NUF2: variants seen among roughly 807,000 people sequenced by gnomAD.
The protein encoded by NUF2 is NUF2 component of NDC80 kinetochore complex.
A neutral mutation model predicts 61.8 loss-of-function variants in NUF2; 34 were observed. The observed-to-expected ratio is 0.55, with a 90% CI of 0.42 to 0.73. NUF2 has a LOEUF of 0.73. NUF2 is among the 30% of genes least tolerant of loss of function. The pLI is 0.00. For missense variants in NUF2, 445 were observed against 539.1 expected (o/e 0.83, Z 1.73); for synonymous variants, 172 against 181.6 (o/e 0.95, Z 0.42).
At chr1:163,341,273 G>A (rs942907262) in intron 9 of NUF2, among the ~76,000 whole-genome samples, 1 of 151,844 alleles carries the variant, frequency 6.6e-6, no homozygotes, top group Admixed American at 6.6e-5. Context: ...GCAGTGGCGC[G>A]ATCTTGGCTC....
At chr1:163,351,607 C>T (rs1651321352) in intron 13 of NUF2, among the ~76,000 whole-genome samples, 1 of 152,110 alleles carries the variant, frequency 6.6e-6, no homozygotes, top group South Asian at 2.1e-4. Flanking sequence ...ATCCTAGAGG[C>T]GTAGAACTAT....
intron 5 of NUF2, 143 bp downstream of exon 5, chr1:163,329,050 T>C (rs1650519825): frequency 2.1e-6 from 1 of 468,312 alleles, no homozygotes; most frequent in Non-Finnish European, 3.8e-6. Context: ...TTTTTAAGTA[T>C]GAATTTTTAA....
chr1:163,348,022 G>T, intron 12 of NUF2, 84 bp downstream of exon 12: 1 of 991,540 alleles, frequency 1.0e-6, no homozygotes. Flanking sequence ...TCAAAACCTC[G>T]GTATTTTCCA....
Position 163,343,861 on chromosome 1 carries a change from A to G in NUF2, c.798A>G (p.Lys266=), listed in dbSNP as rs1651027789. Residue 266 remains lysine (K), a synonymous_variant, in exon 10 of 14, where the codon AAA becomes AAG. Transcript: ENST00000271452. ...TGAAAGATACGGTCCAGAAGCTTAAAAATGCCAGAGTGAGTTTTCTTTTTA... is the reference window on the plus strand; with the variant it reads ...TGAAAGATACGGTCCAGAAGCTTAAGAATGCCAGAGTGAGTTTTCTTTTTA... ...EKMKDTVQKL[K]NARQEVVEKY... The G allele has an allele frequency of 7.1e-7, 1 of 1,405,294 alleles. No homozygotes were observed. The highest frequency in any genetic ancestry group is 1.5e-5 in the African/African-American group (1 of 66,994). 87.1% of individuals were successfully genotyped at this position (1,405,294 alleles called of 1,614,324 possible).
At chr1:163,332,992 AT>A (rs1368478460) in intron 5 of NUF2, among the ~76,000 whole-genome samples, 3 of 152,148 alleles carry the variant, frequency 2.0e-5, no homozygotes, top group Non-Finnish European at 4.4e-5. Flanking sequence ...CAGTTGGTTA[AT>A]AGCGTTGTTC....
intron 4 of NUF2, 155 bp downstream of exon 4, chr1:163,328,459 C>A: frequency 1.9e-6 from 1 of 534,848 alleles, no homozygotes; most frequent in Non-Finnish European, 3.3e-6. Context: ...AAATTGTAGA[C>A]TGTCATCAAA....
chr1:163,339,032 T>C (rs966070628), intron 7 of NUF2, among the ~76,000 whole-genome samples: 2 of 152,056 alleles, frequency 1.3e-5, no homozygotes, highest in Non-Finnish European at 2.9e-5. Context: ...ATGGATGGTA[T>C]GGGAGTAAGA....
At chr1:163,343,410 C>G (rs1030478290) in intron 9 of NUF2, among the ~76,000 whole-genome samples, 1 of 152,028 alleles carries the variant, frequency 6.6e-6, no homozygotes, top group African/African-American at 2.4e-5. Context: ...CCCTACTGGT[C>G]AAAGAAAGAT....
intron 13 of NUF2, among the ~76,000 whole-genome samples, chr1:163,350,503 T>C (rs142368287): frequency 3.3e-3 from 496 of 152,280 alleles, no homozygotes; most frequent in African/African-American, 0.011. Context: ...CTTATATTAC[T>C]TTGAGTTTTA....
intron 6 of NUF2, among the ~76,000 whole-genome samples, chr1:163,337,148 C>T (rs374769561): frequency 1.2e-4 from 18 of 152,150 alleles, no homozygotes; most frequent in African/African-American, 4.3e-4. Context: ...GATATGTTTA[C>T]ATTTTTTTCT....
In NUF2 at chr1:163,327,535, T is replaced by C; in HGVS notation, c.171T>C (p.Tyr57=). The change falls in exon 3 of 14, where the codon TAT becomes TAC. Residue 57 remains tyrosine (Y), a synonymous_variant. Coordinates refer to ENST00000271452, the MANE Select transcript of NUF2 (RefSeq NM_145697.3). The part of the protein sequence containing the change: ...MIYMRALQIV[Y]GIRLEHFYMM... ...ACATGAGAGCCTTACAAATAGTATA[T>C]GGAATTCGACTGGAACATTTTTACA... 1 of 1,611,888 alleles carries C rather than the reference T, an allele frequency of 6.2e-7. No homozygotes were observed. The highest frequency in any genetic ancestry group is 8.5e-7 in the Non-Finnish European group (1 of 1,178,204).
At chr1:163,352,519 C>G (rs1414088502) in intron 13 of NUF2, among the ~76,000 whole-genome samples, 1 of 152,202 alleles carries the variant, frequency 6.6e-6, no homozygotes, top group African/African-American at 2.4e-5. Flanking sequence ...ACACTTGATT[C>G]AGAGAGTAAG....
In NUF2 at chr1:163,355,573, GTTGGCTTCATCAGTTT is replaced by G; in HGVS notation, c.*107_*122del. 2 of 973,516 alleles carry G rather than the reference GTTGGCTTCATCAGTTT, an allele frequency of 2.1e-6. No homozygotes were observed. The highest frequency in any genetic ancestry group is 3.0e-6 in the Non-Finnish European group (2 of 675,168). The allele number at this position is 973,516 out of a possible 1,614,324, so 60.3% of individuals were successfully genotyped here. A position where few individuals can be genotyped will look rare whatever the true frequency, so the allele number is the denominator to read the frequency against. On this transcript the variant is annotated 3_prime_UTR_variant, in exon 14 of 14. Transcript: ENST00000271452. ...GGAAGTATCAGAAGTACCAAATAAT[GTTGGCTTCATCAGTTT>G]TTATACACTCTCATAAGTAGTTAAT... is the stretch of plus-strand genomic sequence containing the variant.
chr1:163,344,581 A>G (rs1651057572), intron 10 of NUF2, among the ~76,000 whole-genome samples: 1 of 137,728 alleles, frequency 7.3e-6, no homozygotes, highest in South Asian at 2.6e-4. Context: ...GTGGGGAGTA[A>G]GGTGTGTTCA....
intron 1 of NUF2, chr1:163,323,050 G>A (rs921941658): frequency 2.6e-5 from 4 of 152,176 alleles, no homozygotes; most frequent in Non-Finnish European, 5.9e-5. Context: ...TTATTAAAGG[G>A]TTTAGAAGCC....
intron 2 of NUF2, among the ~76,000 whole-genome samples, chr1:163,326,404 TAA>T (rs35847334): frequency 3.4e-5 from 5 of 147,440 alleles, no homozygotes; most frequent in Non-Finnish European, 6.0e-5. Flanking sequence ...GTCGTTTTCT[TAA>T]AAAAAAAAAA....
chr1:163,329,943 C>G (rs1228854236), intron 5 of NUF2, among the ~76,000 whole-genome samples: 4 of 152,040 alleles, frequency 2.6e-5, no homozygotes, highest in African/African-American at 4.8e-5. Flanking sequence ...TGAAAGAAGC[C>G]AGTCTGCAAA....
intron 1 of NUF2, among the ~76,000 whole-genome samples, chr1:163,324,790 T>C (rs1331898175): frequency 6.6e-6 from 1 of 152,124 alleles, no homozygotes; most frequent in Non-Finnish European, 1.5e-5. Flanking sequence ...CTTACCGGAA[T>C]CTCACAATGT....
At chr1:163,325,998 A>T (rs1650404035) in intron 1 of NUF2, 34 bp from the exon 2 acceptor site, 2 of 1,545,922 alleles carry the variant, frequency 1.3e-6, no homozygotes, top group African/African-American at 2.7e-5. Context: ...ACTACTGATC[A>T]TGTGGTATTT....
Sources: allele counts gnomAD v4.1 joint callset (sites outside exome capture counted in the v4.1 genomes callset), GRCh38; gene constraint gnomAD v4.1.1; transcripts MANE v1.5; gene names NCBI Gene and HGNC (gene_info 2026-07-23, HGNC 2026-07-21).